LAMP5: variants seen among roughly 807,000 people sequenced by gnomAD.
The protein encoded by LAMP5 is lysosome associated membrane protein 5.
Under a neutral mutation model 30.2 loss-of-function variants are expected in LAMP5, and 36 were observed. The observed-to-expected ratio is 1.19, with a 90% confidence interval of 0.91 to 1.57. The LOEUF is 1.57. Ranked by LOEUF, LAMP5 falls within the 40% of genes most tolerant of loss-of-function variation. LAMP5 has a pLI of 0.00. For missense variants in LAMP5, 377 were observed against 354.9 expected, an observed-to-expected ratio of 1.06 and a Z score of -0.50; for synonymous variants, 149 against 134.6, an observed-to-expected ratio of 1.11 and a Z score of -0.74.
chr20:9,515,706 C>A, intron 2 of LAMP5, 81 bp downstream of exon 2: 1 of 1,477,812 alleles, frequency 6.8e-7, no homozygotes, highest in South Asian at 1.3e-5. Flanking sequence ...CTTCGAAGAC[C>A]TGGGTTGCCC....
rs1400719278 is a variant in LAMP5, at chr20:9,516,109, C to T, written c.347C>T (p.Ala116Val). The T allele has an allele frequency of 1.9e-6, 3 of 1,551,154 alleles. No individual in the cohort carries two copies. The highest frequency in any genetic ancestry group is 2.5e-5 in the South Asian group (2 of 79,748). Reference protein sequence around the residue: ...LQVFWVDRAYALKMLFVKESH... With the variant: ...LQVFWVDRAYVLKMLFVKESH... ...GTGTTCTGGGTGGATCGCGCATATG[C>T]ACTCAAAATGCTCTTTGTAAAGGTA... Residue 116 changes from alanine (A) to valine (V), a missense_variant, in exon 3 of 6, where the codon GCA (alanine) becomes GTA (valine). Coordinates refer to ENST00000246070, the MANE Select transcript of LAMP5 (RefSeq NM_012261.4).
intron 5 of LAMP5, among the ~76,000 whole-genome samples, chr20:9,526,589 C>G (rs1406048748): frequency 3.3e-5 from 5 of 152,078 alleles, no homozygotes; most frequent in African/African-American, 1.2e-4. Context: ...AGGTCCTGTC[C>G]CTGGAGCAAT....
At chr20:9,522,236 A>C (rs2045083887) in intron 5 of LAMP5, among the ~76,000 whole-genome samples, 1 of 152,160 alleles carries the variant, frequency 6.6e-6, no homozygotes, top group African/African-American at 2.4e-5. Context: ...TAGCATCATG[A>C]TTGGGAGACG....
At chr20:9,516,507 G>A in intron 4 of LAMP5, 146 bp downstream of exon 4, 2 of 701,032 alleles carry the variant, frequency 2.9e-6, no homozygotes, top group Non-Finnish European at 4.9e-6. Flanking sequence ...TAGGGCGGAA[G>A]AGGCGGGAGC....
intron 4 of LAMP5, among the ~76,000 whole-genome samples, chr20:9,516,576 GA>G (rs908746812): frequency 3.3e-4 from 50 of 152,126 alleles, no homozygotes; most frequent in Non-Finnish European, 8.8e-5. Context: ...CAGGCGTGGG[GA>G]CCCAAACGTC....
chr20:9,515,426 G>C (rs1456476933), intron 1 of LAMP5, 27 bp from the exon 2 acceptor site: 1 of 1,604,692 alleles, frequency 6.2e-7, no homozygotes, highest in Non-Finnish European at 8.5e-7. Flanking sequence ...GCCCTGAACT[G>C]ATGGAATTGT....
chr20:9,527,421 A>G (rs2045121696), intron 5 of LAMP5, among the ~76,000 whole-genome samples: 1 of 149,602 alleles, frequency 6.7e-6, no homozygotes, highest in African/African-American at 2.5e-5. Flanking sequence ...CAGCTATCAA[A>G]GGCTGTATAT....
Position 9,515,563 on chromosome 20 carries a change from A to C in LAMP5, c.175A>C (p.Met59Leu). The C allele has an allele frequency of 6.2e-7, 1 of 1,614,210 alleles. No individual in the cohort carries two copies. The highest frequency in any genetic ancestry group is 2.2e-5 in the East Asian group (1 of 44,868). Residue 59 changes from methionine (M) to leucine (L), a missense_variant, in exon 2 of 6, where the codon ATG (methionine) becomes CTG (leucine). Physicochemically the swap from Met to Leu is conservative, Grantham distance 15 (BLOSUM62 2). Coordinates refer to ENST00000246070, the MANE Select transcript of LAMP5 (RefSeq NM_012261.4). ...GCGGGAAAATGGGACGACGTGTCTC[A>C]TGGCAGAGTTTGCAGCCAAATTTAT... is the stretch of plus-strand genomic sequence containing the variant. Reference protein sequence around the residue: ...VVRENGTTCLMAEFAAKFIVP... With the variant: ...VVRENGTTCLLAEFAAKFIVP...
chr20:9,516,000 C>A lies in LAMP5; in HGVS notation c.238C>A (p.Leu80Met). Residue 80 changes from leucine to methionine, a missense_variant and splice_region_variant, in exon 3 of 6, where the codon CTG (leucine) becomes ATG (methionine). Transcript: ENST00000246070. ...YDVWASNYVD[L>M]ITEQADIALT... ...GGGCGCGGGGCGTCTGTGTTCCCAG[C>A]TGATCACAGAACAGGCCGATATCGC... is the stretch of plus-strand genomic sequence containing the variant. 1 of 1,507,256 alleles carries A rather than the reference C, an allele frequency of 6.6e-7. No individual in the cohort carries two copies. The highest frequency in any genetic ancestry group is 1.4e-5 in the South Asian group (1 of 71,994). The allele number at this position is 1,507,256 out of a possible 1,614,324, so 93.4% of individuals were successfully genotyped here. A position where few individuals can be genotyped will look rare whatever the true frequency, so the allele number is the denominator to read the frequency against.
Position 9,516,310 on chromosome 20 carries a change from C to T in LAMP5, c.424C>T (p.Gln142Ter). 6.2e-7 allele frequency: 1 copy of T among 1,614,186 alleles called. No homozygotes were observed. Among genetic ancestry groups the T allele is most frequent in the Non-Finnish European group, 8.5e-7 (1 of 1,180,042 alleles). ...GGCGACTTGGAGGCTGAGCAAAGTG[C>T]AGTTTGTCTACGACTCCTCGGAGAA... ...PEATWRLSKV[Q>*]FVYDSSEKTH... Residue 142 changes from glutamine to a stop codon, truncating the protein, a stop_gained, in exon 4 of 6, where the codon CAG (glutamine) becomes TAG (stop). Transcript: ENST00000246070. LOFTEE classifies it high-confidence loss of function.
At chr20:9,523,343 A>G (rs551724415) in intron 5 of LAMP5, among the ~76,000 whole-genome samples, 5 of 152,174 alleles carry the variant, frequency 3.3e-5, no homozygotes, top group African/African-American at 1.2e-4. Flanking sequence ...GTGCTAGGAG[A>G]GCCTGAGGAA....
At position 9,516,278 on chromosome 20, in the gene LAMP5, G is replaced by A. The variant is rs146768664; in HGVS notation, c.392G>A (p.Gly131Glu). 1.1e-5 allele frequency: 18 copies of A among 1,614,028 alleles called. No individual in the cohort carries two copies. The African/African-American group carries it at 1.7e-4, about 16-fold the overall frequency. The stretch of plus-strand genomic sequence containing the variant: ...CAGGAAAGCCACAACATGTCCAAGG[G>A]ACCTGAGGCGACTTGGAGGCTGAGC... ...FVKESHNMSK[G>E]PEATWRLSKV... Residue 131 changes from glycine (G) to glutamate (E), a missense_variant, in exon 4 of 6, where the codon GGA becomes GAA. Transcript: ENST00000246070.
chr20:9,526,059 C>G (rs1028418389), intron 5 of LAMP5, among the ~76,000 whole-genome samples: 3 of 152,130 alleles, frequency 2.0e-5, no homozygotes, highest in Non-Finnish European at 2.9e-5. Context: ...AGGGAAGAGA[C>G]AGAGGCTAGA....
At position 9,529,761 on chromosome 20, in the gene LAMP5, A is replaced by G; in HGVS notation, c.784A>G (p.Met262Val). 6.2e-7 allele frequency: 1 copy of G among 1,614,212 alleles called. No individual in the cohort carries two copies. The highest frequency in any genetic ancestry group is 8.5e-7 in the Non-Finnish European group (1 of 1,180,042). ...TLAIYHVHHK[M>V]TANQVQIPRD... ...CGCGATTTACCACGTCCACCACAAA[A>G]TGACTGCCAACCAGGTGCAGATCCC... The change falls in exon 6 of 6, where the codon ATG becomes GTG. Residue 262 changes from methionine (M) to valine (V), a missense_variant. Met to Val is a conservative substitution (Grantham distance 21). Coordinates refer to ENST00000246070, the MANE Select transcript of LAMP5 (RefSeq NM_012261.4).
In LAMP5 at chr20:9,529,652, C is replaced by T. The variant is rs1207920327; in HGVS notation, c.675C>T (p.Cys225=). 2 of 1,614,004 alleles carry T rather than the reference C, an allele frequency of 1.2e-6. No individual in the cohort carries two copies. Among genetic ancestry groups the T allele is most frequent in the Non-Finnish European group, 8.5e-7 (1 of 1,179,932 alleles). The change falls in exon 6 of 6, where the codon TGC becomes TGT. Residue 225 remains cysteine, a synonymous_variant. Coordinates refer to ENST00000246070, the MANE Select transcript of LAMP5 (RefSeq NM_012261.4). The part of the protein sequence containing the change: ...SDFVFSEEHK[C]PVDEREQLEE... ...TCTTTCCCATTGCAGAGCATAAATG[C>T]CCAGTGGATGAGCGGGAGCAACTGG...
At chr20:9,520,337 C>T (rs531024552) in intron 5 of LAMP5, among the ~76,000 whole-genome samples, 2 of 152,318 alleles carry the variant, frequency 1.3e-5, no homozygotes, top group East Asian at 3.9e-4. Flanking sequence ...CCTGGCTCCT[C>T]CCTTCTGTTC....
chr20:9,516,238 A>C lies in LAMP5; in HGVS notation c.370-18A>C, dbSNP rs200571348. ...GACGCTGCGGGGACGATTGAAGCGCACCTCCCCGGCTCAACAGGAAAGCCA... is the reference window on the plus strand; with the variant it reads ...GACGCTGCGGGGACGATTGAAGCGCCCCTCCCCGGCTCAACAGGAAAGCCA... On this transcript the variant is annotated intron_variant, in intron 3 of 5. Coordinates refer to ENST00000246070, the MANE Select transcript of LAMP5 (RefSeq NM_012261.4). 31 of 1,613,024 alleles carry C rather than the reference A, an allele frequency of 1.9e-5. No homozygotes were observed. Among genetic ancestry groups the C allele is most frequent in the Non-Finnish European group, 2.5e-5 (30 of 1,179,338 alleles).
intron 5 of LAMP5, among the ~76,000 whole-genome samples, chr20:9,520,678 C>G (rs948171858): frequency 2.0e-5 from 3 of 151,900 alleles, no homozygotes; most frequent in Non-Finnish European, 4.4e-5. Context: ...AGAGTCTATT[C>G]CCTGTGTAAG....
Position 9,518,103 on chromosome 20 carries a change from A to C in LAMP5, c.539A>C (p.Tyr180Ser). The part of the protein sequence containing the change: ...SALVTPAGKS[Y>S]ECQAQQTISL... ...TTGGTCACCCCCGCTGGGAAGTCCT[A>C]TGAGTGTCAAGCTCAACAAACCATT... Residue 180 changes from tyrosine (Y) to serine (S), a missense_variant, in exon 5 of 6, where the codon TAT becomes TCT. Tyr to Ser is a moderately radical substitution (Grantham distance 144). Coordinates refer to ENST00000246070, the MANE Select transcript of LAMP5 (RefSeq NM_012261.4). 1 of 1,614,150 alleles carries C rather than the reference A, an allele frequency of 6.2e-7. No individual in the cohort carries two copies. The highest frequency in any genetic ancestry group is 8.5e-7 in the Non-Finnish European group (1 of 1,180,008).
Sources: gnomAD v4.1 joint callset for allele counts (sites outside exome capture counted in the v4.1 genomes callset) on GRCh38, gnomAD v4.1.1 for gene constraint, MANE v1.5 for transcripts, NCBI Gene and HGNC (gene_info 2026-07-23, HGNC 2026-07-21) for gene names.